RAPGEF6: variants seen among roughly 807,000 people sequenced by gnomAD.
RAPGEF6 encodes Rap guanine nucleotide exchange factor 6.
A neutral mutation model predicts 171.4 loss-of-function variants in RAPGEF6; 56 were observed. The observed-to-expected ratio is 0.33, with a 90% confidence interval of 0.26 to 0.41. The LOEUF is 0.41. RAPGEF6 is among the 10% of genes least tolerant of loss of function. The probability of loss-of-function intolerance (pLI) is 1.00; values close to 1 mark genes in which losing one functional copy is unlikely to be tolerated. For synonymous variants in RAPGEF6, 692 were observed against 650.1 expected (o/e 1.06, Z -0.98); for missense variants, 1,674 against 1,921.4 (o/e 0.87, Z 2.41).
intron 22 of RAPGEF6, 66 bp downstream of exon 22, chr5:131,446,417 T>C (rs1158489560): frequency 7.0e-7 from 1 of 1,432,940 alleles, no homozygotes; most frequent in Non-Finnish European, 9.5e-7. Context: ...TAGGTATAAT[T>C]CTAGAGAAAT....
intron 6 of RAPGEF6, among the ~76,000 whole-genome samples, chr5:131,544,011 C>T (rs541751356): frequency 2.8e-4 from 43 of 152,136 alleles, no homozygotes; most frequent in African/African-American, 1.0e-3. Context: ...ATACCACTAC[C>T]TATTAAAAAT....
chr5:131,471,269 A>G (rs2149845915), intron 17 of RAPGEF6, among the ~76,000 whole-genome samples: 1 of 152,336 alleles, frequency 6.6e-6, no homozygotes, highest in African/African-American at 2.4e-5. Flanking sequence ...GATGTGCCAG[A>G]ACAGGTTACT....
intron 4 of RAPGEF6, among the ~76,000 whole-genome samples, chr5:131,574,772 T>C (rs866457943): frequency 2.0e-5 from 3 of 152,098 alleles, no homozygotes; most frequent in Middle Eastern, 3.4e-3. Context: ...AAGTATGGGA[T>C]ACCTCTACTC....
At chr5:131,458,141 A>G (rs1415560124) in intron 19 of RAPGEF6, among the ~76,000 whole-genome samples, 1 of 152,148 alleles carries the variant, frequency 6.6e-6, no homozygotes, top group Non-Finnish European at 1.5e-5. Flanking sequence ...CCACTATAAA[A>G]ACTGATATGG....
intron 1 of RAPGEF6, among the ~76,000 whole-genome samples, chr5:131,623,128 T>C (rs182791754): frequency 6.6e-5 from 10 of 152,342 alleles, no homozygotes; most frequent in African/African-American, 1.9e-4. Flanking sequence ...TAGCAGAGCA[T>C]GAAAATTTGC....
In RAPGEF6 at chr5:131,618,398, A is replaced by C. The variant is rs540451421; in HGVS notation, c.70-13705T>G. Among the ~76,000 whole-genome samples, 5 of 152,298 alleles carry C rather than the reference A, an allele frequency of 3.3e-5. No individual in the cohort carries two copies. The South Asian group carries it at 1.0e-3, about 32-fold the overall frequency. On this transcript the variant is annotated intron_variant, in intron 1 of 27. Transcript: ENST00000509018. ...ATAATCCCAGCACTTTGGGAGGTCA[A>C]GGTGAGAGGATCACTTGAGGTCAGG...
At chr5:131,439,986 C>A (rs1752273095) in intron 23 of RAPGEF6, 7 of 495,298 alleles carry the variant, frequency 1.4e-5, no homozygotes, top group Non-Finnish European at 2.1e-5. Context: ...ATTTAACAGT[C>A]TGAGTGCTAT....
At chr5:131,611,947 T>G (rs1287817151) in intron 1 of RAPGEF6, among the ~76,000 whole-genome samples, 4 of 152,150 alleles carry the variant, frequency 2.6e-5, no homozygotes, top group Non-Finnish European at 5.9e-5. Flanking sequence ...ATAGAGACAG[T>G]CCCCATCTTA....
intron 4 of RAPGEF6, among the ~76,000 whole-genome samples, chr5:131,565,843 A>T (rs1761895696): frequency 6.6e-6 from 1 of 152,150 alleles, no homozygotes; most frequent in African/African-American, 2.4e-5. Flanking sequence ...CATAAACAAA[A>T]ATTAATTATA....
At chr5:131,464,316 T>A (rs779814783) in intron 17 of RAPGEF6, 35 bp from the exon 18 acceptor site, 28 of 1,575,830 alleles carry the variant, frequency 1.8e-5, no homozygotes, top group Admixed American at 1.5e-4. Context: ...TGTTATTTTT[T>A]AAAAAAATCA....
intron 5 of RAPGEF6, among the ~76,000 whole-genome samples, chr5:131,560,518 C>A (rs1761530970): frequency 6.6e-6 from 1 of 152,128 alleles, no homozygotes; most frequent in South Asian, 2.1e-4. Flanking sequence ...CAAAATACAA[C>A]TAAAAAGTCA....
rs1310114962 is a variant in RAPGEF6 at position 131,492,593 on chromosome 5, G to A, written c.1720C>T (p.Arg574Cys). The A allele has an allele frequency of 5.0e-6, 8 of 1,613,972 alleles. No homozygotes were observed. Among genetic ancestry groups the A allele is most frequent in the East Asian group, 2.2e-5 (1 of 44,900 alleles). Residue 574 changes from arginine to cysteine, a missense_variant, in exon 14 of 28, where the codon CGT becomes TGT. Arg to Cys is a radical substitution (Grantham distance 180, BLOSUM62 -3). Transcript: ENST00000509018. The stretch of plus-strand genomic sequence containing the variant: ...GGTTATTTCCTTACCTGATCACCAC[G>A]TTTCAGTCCTGAATCAGCAGCTTTG... ...GSKAADSGLK[R>C]GDQIMEVNGQ...
chr5:131,508,111 A>G lies in RAPGEF6; in HGVS notation c.902T>C (p.Val301Ala), dbSNP rs1757482983. ...ELCSVMIFEV[V>A]EQAGAIILED... ...AAGAATAATAGCTCCAGCCTGCTCT[A>G]CCACTTCAAAAATCATCACTGAGCA... Residue 301 changes from valine (V) to alanine (A), a missense_variant, in exon 9 of 28, where the codon GTA becomes GCA. By Grantham distance (64) the Val-to-Ala change is moderately conservative (BLOSUM62 0). Coordinates refer to ENST00000509018, the MANE Select transcript of RAPGEF6 (RefSeq NM_016340.6). 2.5e-6 allele frequency: 4 copies of G among 1,613,162 alleles called. No homozygotes were observed. Among genetic ancestry groups the G allele is most frequent in the Non-Finnish European group, 3.4e-6 (4 of 1,179,510 alleles).
At chr5:131,508,311 A>G (rs1051636623) in intron 8 of RAPGEF6, 104 bp from the exon 9 acceptor site, 15 of 1,195,360 alleles carry the variant, frequency 1.3e-5, no homozygotes, top group Non-Finnish European at 1.7e-5. Context: ...CAACTTATAA[A>G]TTTATGTTGC....
chr5:131,563,675 T>A (rs1028470445), intron 4 of RAPGEF6, among the ~76,000 whole-genome samples: 6 of 152,100 alleles, frequency 3.9e-5, no homozygotes, highest in Non-Finnish European at 5.9e-5. Context: ...GCGAATTTTT[T>A]AAATTTTTTG....
rs1443786933 is a variant in RAPGEF6, at chr5:131,528,191, T to C, written c.496-6670A>G. Among the ~76,000 whole-genome samples, 126 of 126,956 alleles carry C rather than the reference T, an allele frequency of 9.9e-4. 2 individuals carry two copies. The highest frequency in any genetic ancestry group is 1.6e-3 in the Non-Finnish European group (99 of 62,908). The allele number at this position is 126,956 out of a possible 152,430, so 83.3% of individuals were successfully genotyped here. On this transcript the variant is annotated intron_variant, in intron 6 of 27. Transcript: ENST00000509018. ...TTACATATAAATTTATATTATATTA[T>C]AATTATATATATTATATATAAATAA...
At chr5:131,485,326 T>C (rs1220033472) in intron 15 of RAPGEF6, among the ~76,000 whole-genome samples, 4 of 152,216 alleles carry the variant, frequency 2.6e-5, no homozygotes, top group African/African-American at 9.6e-5. Flanking sequence ...TGCCAGCTGT[T>C]TTCTTCTCTG....
rs78154406 is a variant in RAPGEF6 at position 131,539,724 on chromosome 5, T to C, written c.495+8323A>G. On this transcript the variant is annotated intron_variant, in intron 6 of 27. Coordinates refer to ENST00000509018, the MANE Select transcript of RAPGEF6 (RefSeq NM_016340.6). ...GTGGTGTCCTAATAATCACCTCTTA[T>C]TGAGCTGCATTGACAAATGTACATT... Among the ~76,000 whole-genome samples the C allele has an allele frequency of 7.8e-3, 1,183 of 152,318 alleles. 17 individuals carry two copies. Among genetic ancestry groups the C allele is most frequent in the African/African-American group, 0.027 (1,117 of 41,576 alleles).
intron 6 of RAPGEF6, among the ~76,000 whole-genome samples, chr5:131,529,722 G>A (rs1225396744): frequency 1.3e-5 from 2 of 152,014 alleles, no homozygotes; most frequent in Admixed American, 6.6e-5. Flanking sequence ...ACCAGCTTGG[G>A]CAAGATGGAG....
Sources: gnomAD v4.1 joint callset for allele counts (sites outside exome capture counted in the v4.1 genomes callset) on GRCh38, gnomAD v4.1.1 for gene constraint, MANE v1.5 for transcripts, NCBI Gene and HGNC (gene_info 2026-07-23, HGNC 2026-07-21) for gene names.